Variants in FARS2 observed in about 807,000 individuals in gnomAD.
FARS2 encodes the protein phenylalanyl-tRNA synthetase 2, mitochondrial.
Under a neutral mutation model 46.4 loss-of-function variants are expected in FARS2, and 40 were observed. The observed-to-expected ratio is 0.86, with a 90% CI of 0.67 to 1.12. The LOEUF (loss-of-function observed/expected upper bound fraction) is 1.12, where lower values mean the gene tolerates loss of function less well. Among genes scored for constraint, FARS2 ranks in the 50% most tolerant of loss-of-function variants. FARS2 has a pLI of 0.00. For synonymous variants in FARS2, 234 were observed against 214.9 expected, an observed-to-expected ratio of 1.09 and a Z score of -0.78; for missense variants, 513 against 567.9, an observed-to-expected ratio of 0.90 and a Z score of 0.98.
chr6:5,286,317 C>T (rs1767107366), intron 1 of FARS2, among the ~76,000 whole-genome samples: 1 of 152,072 alleles, frequency 6.6e-6, no homozygotes. Flanking sequence ...GGCTGGAGTG[C>T]AGGGGTGTGA....
intron 6 of FARS2, among the ~76,000 whole-genome samples, chr6:5,619,270 T>C (rs1282868427): frequency 6.6e-6 from 1 of 152,188 alleles, no homozygotes; most frequent in Non-Finnish European, 1.5e-5. Flanking sequence ...TAAAATTTTT[T>C]TTTTACTACC....
intron 1 of FARS2, among the ~76,000 whole-genome samples, chr6:5,367,154 T>A (rs1027073749): frequency 2.6e-5 from 4 of 152,086 alleles, no homozygotes; most frequent in African/African-American, 4.8e-5. Flanking sequence ...CAATTTGGAG[T>A]CAGGTGGATT....
intron 4 of FARS2, among the ~76,000 whole-genome samples, chr6:5,460,734 C>T (rs1765195753): frequency 6.6e-6 from 1 of 152,204 alleles, no homozygotes; most frequent in African/African-American, 2.4e-5. Flanking sequence ...CAGTAGCCCT[C>T]TACATGCCGA....
chr6:5,419,897 C>G (rs74746468), intron 3 of FARS2, among the ~76,000 whole-genome samples: 2,165 of 152,254 alleles, frequency 0.014, 57 homozygotes, highest in African/African-American at 0.049. Context: ...CTCACTTTAT[C>G]CTCTCTTCCT....
chr6:5,747,978 C>G (rs953280746), intron 6 of FARS2, among the ~76,000 whole-genome samples: 2 of 152,176 alleles, frequency 1.3e-5, no homozygotes, highest in Non-Finnish European at 2.9e-5. Context: ...ATTGTTTCAT[C>G]CTGGATCATT....
chr6:5,705,775 T>C (rs903124370), intron 6 of FARS2, among the ~76,000 whole-genome samples: 10 of 152,208 alleles, frequency 6.6e-5, no homozygotes, highest in African/African-American at 2.2e-4. Flanking sequence ...CTCGCGCCCC[T>C]GTGCCTCCCC....
At chr6:5,605,183 G>T (rs965520656) in intron 5 of FARS2, among the ~76,000 whole-genome samples, 23 of 152,136 alleles carry the variant, frequency 1.5e-4, no homozygotes, top group Non-Finnish European at 3.1e-4. Context: ...TATCACTACA[G>T]ACCAGAGACA....
intron 4 of FARS2, among the ~76,000 whole-genome samples, chr6:5,498,282 G>A (rs1448083732): frequency 1.3e-5 from 2 of 152,218 alleles, no homozygotes; most frequent in Non-Finnish European, 1.5e-5. Context: ...GATTATTTGA[G>A]TGGTAGAGTT....
At chr6:5,254,834 G>A in the FARS2 span, among the ~76,000 whole-genome samples, 1 of 152,066 alleles carries the variant, frequency 6.6e-6, no homozygotes, top group African/African-American at 2.4e-5. Flanking sequence ...TTCACCTCTC[G>A]TGGGGTCCTG....
chr6:5,320,785 C>T (rs773648056), intron 1 of FARS2, among the ~76,000 whole-genome samples: 9 of 152,132 alleles, frequency 5.9e-5, no homozygotes, highest in African/African-American at 9.7e-5. Context: ...ATTTGTTTCT[C>T]ACAGTTCCAG....
chr6:5,745,310 G>T (rs114953402), intron 6 of FARS2, among the ~76,000 whole-genome samples: 82 of 152,352 alleles, frequency 5.4e-4, no homozygotes, highest in Non-Finnish European at 2.8e-4. Context: ...CAGCCAGAGC[G>T]CACTAACAGT....
At chr6:5,253,731 G>A in the FARS2 span, among the ~76,000 whole-genome samples, 37 of 151,692 alleles carry the variant, frequency 2.4e-4, no homozygotes, top group Middle Eastern at 3.4e-3. Context: ...TACAATACTC[G>A]AGAAGTTGCC....
chr6:5,254,190 C>T, the FARS2 span, among the ~76,000 whole-genome samples: 407 of 152,324 alleles, frequency 2.7e-3, 2 homozygotes, highest in African/African-American at 9.5e-3. Flanking sequence ...CATAATGACC[C>T]TTGACTGCAT....
At position 5,493,503 on chromosome 6, in the gene FARS2, A is replaced by G. The variant is rs78879694; in HGVS notation, c.905-51677A>G. On this transcript the variant is annotated intron_variant, in intron 4 of 6. Coordinates refer to ENST00000274680, the MANE Select transcript of FARS2 (RefSeq NM_006567.5). ...GAAGACTGCAGTGTATCGACCTCCA[A>G]GAGGAATGGAAAGTCAAAGTCGCAG... Among the ~76,000 whole-genome samples the G allele has an allele frequency of 9.0e-3, 1,365 of 152,320 alleles. 22 individuals are homozygous for G. Among genetic ancestry groups the G allele is most frequent in the African/African-American group, 0.031 (1,299 of 41,572 alleles).
chr6:5,568,454 C>A (rs73718309), intron 5 of FARS2, among the ~76,000 whole-genome samples: 1,938 of 152,208 alleles, frequency 0.013, 37 homozygotes, highest in African/African-American at 0.044. Flanking sequence ...AGTTTCCTGC[C>A]TTCAGATAGC....
At chr6:5,532,561 C>A (rs1769909207) in intron 4 of FARS2, among the ~76,000 whole-genome samples, 1 of 152,128 alleles carries the variant, frequency 6.6e-6, no homozygotes, top group African/African-American at 2.4e-5. Flanking sequence ...ACCAGCCTGG[C>A]CAACATAGTG....
intron 3 of FARS2, among the ~76,000 whole-genome samples, chr6:5,430,555 AT>A (rs1280399317): frequency 6.6e-6 from 1 of 151,562 alleles, no homozygotes. Context: ...TATTAGCTTT[AT>A]AAACTTAAAA....
At chr6:5,628,220 G>A in intron 6 of FARS2, among the ~76,000 whole-genome samples, 1 of 152,182 alleles carries the variant, frequency 6.6e-6, no homozygotes, top group Non-Finnish European at 1.5e-5. Context: ...ATGTGTTTGT[G>A]TGTAAGTTTG....
intron 6 of FARS2, among the ~76,000 whole-genome samples, chr6:5,620,231 C>G (rs1289832638): frequency 6.6e-6 from 1 of 152,156 alleles, no homozygotes; most frequent in Non-Finnish European, 1.5e-5. Flanking sequence ...CACGCACACA[C>G]ATGACAACTA....
Sources: allele counts gnomAD v4.1 joint callset (sites outside exome capture counted in the v4.1 genomes callset), GRCh38; gene constraint gnomAD v4.1.1; transcripts MANE v1.5; gene names NCBI Gene and HGNC (gene_info 2026-07-23, HGNC 2026-07-21).